Variants in AMMECR1 observed in about 807,000 individuals in gnomAD.
AMMECR1 encodes the protein AMMECR nuclear protein 1, also known as nuclear protein AMMECR1.
AMMECR1 carries 3 observed loss-of-function variants against 22.5 expected under a neutral mutation model. That is an observed-to-expected ratio of 0.13 (90% CI 0.06 to 0.35). AMMECR1 has a LOEUF of 0.35. AMMECR1 is among the 10% of genes least tolerant of loss of function. The pLI is 1.00. For missense variants in AMMECR1, 235 were observed against 278.7 expected (o/e 0.84, Z 1.12); for synonymous variants, 130 against 116.7 (o/e 1.11, Z -0.74).
chrX:110,429,437 G>C, intron 1 of AMMECR1, among the ~76,000 whole-genome samples: 1 of 108,820 alleles, frequency 9.2e-6, no homozygotes, highest in East Asian at 2.8e-4. Context: ...TCTATAAAAC[G>C]ATGATACTTA....
chrX:110,204,504 A>T (rs2067412564), intron 3 of AMMECR1, among the ~76,000 whole-genome samples: 1 of 111,062 alleles, frequency 9.0e-6, no homozygotes, highest in Non-Finnish European at 1.9e-5. Context: ...TTGGAAAAAG[A>T]ACAGCTCCCC....
At chrX:110,415,897 C>T (rs1165267895) in intron 2 of AMMECR1, among the ~76,000 whole-genome samples, 4 of 109,624 alleles carry the variant, frequency 3.6e-5, no homozygotes, top group African/African-American at 1.3e-4. Context: ...TTTTCTGGCT[C>T]TTGAATAAAA....
intron 2 of AMMECR1, among the ~76,000 whole-genome samples, chrX:110,335,591 A>G (rs1343292894): frequency 8.9e-6 from 1 of 111,762 alleles, no homozygotes; most frequent in Non-Finnish European, 1.9e-5. Flanking sequence ...TGAATATAGT[A>G]TGTGCTCAAG....
At chrX:110,306,077 C>A (rs951111272) in intron 1 of AMMECR1, among the ~76,000 whole-genome samples, 4 of 110,896 alleles carry the variant, frequency 3.6e-5, no homozygotes, top group Non-Finnish European at 7.5e-5. Context: ...GTCAGGAGAT[C>A]GAGACCATCC....
intron 2 of AMMECR1, among the ~76,000 whole-genome samples, chrX:110,385,892 C>G (rs909072607): frequency 1.8e-5 from 2 of 111,752 alleles, no homozygotes; most frequent in African/African-American, 6.5e-5. Flanking sequence ...GTGTTTAGCT[C>G]CCACTTACAA....
chrX:110,259,383 G>A (rs1238404520), intron 2 of AMMECR1, among the ~76,000 whole-genome samples: 2 of 111,260 alleles, frequency 1.8e-5, no homozygotes, highest in Non-Finnish European at 3.8e-5. Context: ...TTTCACTGCC[G>A]AGAGGTCTAA....
At chrX:110,251,387 G>A (rs1048038193) in intron 2 of AMMECR1, among the ~76,000 whole-genome samples, 8 of 111,482 alleles carry the variant, frequency 7.2e-5, no homozygotes, top group African/African-American at 2.6e-4. Context: ...AATGGGGAGA[G>A]GCAAAGAAAA....
Position 110,250,172 on chromosome X carries a change from C to G in AMMECR1, c.584+14317G>C, listed in dbSNP as rs180734814. Among the ~76,000 whole-genome samples the G allele has an allele frequency of 1.5e-4, 17 of 111,960 alleles. No individual in the cohort carries two copies. In the East Asian group the frequency reaches 4.7e-3, roughly 31 times the overall value. On this transcript the variant is annotated intron_variant, in intron 2 of 5. Coordinates refer to ENST00000262844, the MANE Select transcript of AMMECR1 (RefSeq NM_015365.3). ...TAACTAAAATTAACAAATTCATATA[C>G]TTTTATGGGTACTTTTTCATTTTTT...
chrX:110,305,570 T>G lies in AMMECR1; in HGVS notation c.473+12029A>C, dbSNP rs930799304. On this transcript the variant is annotated intron_variant, in intron 1 of 5. Coordinates refer to ENST00000262844, the MANE Select transcript of AMMECR1 (RefSeq NM_015365.3). ...GGGCAAACAAACAACTTTCAAGACC[T>G]GCAACTTGATCATATCTATTATTTC... 3.6e-5 allele frequency: 4 copies of G among 111,568 alleles called. No homozygotes were observed. In the East Asian group the frequency reaches 8.4e-4, roughly 23 times the overall value. 9.2% of individuals were successfully genotyped at this position (111,568 alleles called of 1,213,427 possible).
At chrX:110,246,400 T>A (rs917931265) in intron 2 of AMMECR1, among the ~76,000 whole-genome samples, 4 of 112,449 alleles carry the variant, frequency 3.6e-5, no homozygotes, top group African/African-American at 6.5e-5. Context: ...TTCCTATGAC[T>A]TATACTTTCA....
intron 2 of AMMECR1, among the ~76,000 whole-genome samples, chrX:110,384,452 T>C (rs1168783344): frequency 2.7e-5 from 3 of 111,899 alleles, no homozygotes; most frequent in African/African-American, 9.7e-5. Context: ...ACTTAGTACA[T>C]GTAAAACCTA....
intron 2 of AMMECR1, among the ~76,000 whole-genome samples, chrX:110,358,183 G>A (rs867927180): frequency 8.9e-6 from 1 of 111,759 alleles, no homozygotes; most frequent in Non-Finnish European, 1.9e-5. Flanking sequence ...AGAGTTGCGG[G>A]TTCTTTCTCT....
chrX:110,337,406 A>G (rs1273848688), intron 2 of AMMECR1, among the ~76,000 whole-genome samples: 1 of 111,474 alleles, frequency 9.0e-6, no homozygotes, highest in Non-Finnish European at 1.9e-5. Context: ...TCATCACTGT[A>G]TTTTTCTTCA....
At chrX:110,369,443 T>C (rs2068322338) in intron 2 of AMMECR1, among the ~76,000 whole-genome samples, 2 of 112,392 alleles carry the variant, frequency 1.8e-5, no homozygotes, top group South Asian at 7.5e-4. Context: ...AAGTGCCAAA[T>C]GTTCAAAGAG....
At chrX:110,324,681 T>C (rs1225440617) in intron 2 of AMMECR1, among the ~76,000 whole-genome samples, 2 of 108,984 alleles carry the variant, frequency 1.8e-5, no homozygotes, top group African/African-American at 6.7e-5. Flanking sequence ...CATGACAGGT[T>C]GGATTTTTTG....
intron 1 of AMMECR1, among the ~76,000 whole-genome samples, chrX:110,428,453 A>G (rs1308731693): frequency 8.9e-6 from 1 of 111,951 alleles, no homozygotes; most frequent in Non-Finnish European, 1.9e-5. Context: ...AGCCATAACC[A>G]TCTGCAGAAC....
chrX:110,415,509 G>T (rs2068670996), intron 2 of AMMECR1, among the ~76,000 whole-genome samples: 1 of 111,452 alleles, frequency 9.0e-6, no homozygotes. Flanking sequence ...GGAATTTGGG[G>T]CTCCCATGGA....
chrX:110,305,822 A>T (rs1034297167), intron 1 of AMMECR1, among the ~76,000 whole-genome samples: 55 of 105,741 alleles, frequency 5.2e-4, no homozygotes, highest in African/African-American at 1.7e-3. Flanking sequence ...ACTGAAAATT[A>T]AAAAAAAAAA....
At chrX:110,199,298 T>C (rs1031888349) in intron 5 of AMMECR1, among the ~76,000 whole-genome samples, 22 of 110,842 alleles carry the variant, frequency 2.0e-4, no homozygotes, top group Middle Eastern at 4.6e-3. Flanking sequence ...AAGGATTCTA[T>C]ACCTCCACAT....
Sources: allele counts gnomAD v4.1 joint callset (sites outside exome capture counted in the v4.1 genomes callset), GRCh38; gene constraint gnomAD v4.1.1; transcripts MANE v1.5; gene names NCBI Gene and HGNC (gene_info 2026-07-23, HGNC 2026-07-21).